The following PRKG1 variants were observed in gnomAD, a reference collection of about 807,000 sequenced individuals.
PRKG1 encodes the protein cGMP-dependent protein kinase 1.
A neutral mutation model predicts 88.1 loss-of-function variants in PRKG1; 35 were observed. The observed-to-expected ratio is 0.40, with a 90% CI of 0.30 to 0.53. PRKG1 has a LOEUF of 0.53. Among genes scored for constraint, PRKG1 ranks in the 20% least tolerant of loss-of-function variants. PRKG1 has a pLI of 0.59. For synonymous variants in PRKG1, 303 were observed against 292.5 expected, an observed-to-expected ratio of 1.04 and a Z score of -0.37; for missense variants, 540 against 839.8, an observed-to-expected ratio of 0.64 and a Z score of 4.41.
chr10:51,259,103 T>G (rs10996357), intron 2 of PRKG1, among the ~76,000 whole-genome samples: 13,833 of 152,284 alleles, frequency 0.091, 763 homozygotes, highest in Middle Eastern at 0.15. Context: ...ATTTACTATA[T>G]GAAAAGTGTA....
At chr10:51,505,336 G>A (rs1402870116) in intron 3 of PRKG1, among the ~76,000 whole-genome samples, 7 of 152,142 alleles carry the variant, frequency 4.6e-5, no homozygotes, top group Non-Finnish European at 8.8e-5. Context: ...TGATCATGGT[G>A]GATAAGCTTT....
At chr10:52,081,550 T>C (rs1301288102) in intron 7 of PRKG1, 1 of 455,378 alleles carries the variant, frequency 2.2e-6, no homozygotes, top group Non-Finnish European at 4.4e-6. Flanking sequence ...ATTTGATTGA[T>C]TAATCATAAT....
intron 5 of PRKG1, among the ~76,000 whole-genome samples, chr10:51,967,232 T>G (rs1843591550): frequency 6.6e-6 from 1 of 151,992 alleles, no homozygotes. Flanking sequence ...TATGCAGCCA[T>G]AAAAAAGGAT....
rs774448632 is a variant in PRKG1 at position 51,299,340 on chromosome 10, G to A, written c.478+146010G>A. Among the ~76,000 whole-genome samples, 20 of 152,180 alleles carry A rather than the reference G, an allele frequency of 1.3e-4. No homozygotes were observed. The Middle Eastern group carries it at 0.01, about 78-fold the overall frequency. The stretch of plus-strand genomic sequence containing the variant: ...CCTTCCTCAGCCTCCTGAATAGGTA[G>A]GATTACAGGCATCCTCCACCATGCC... On this transcript the variant is annotated intron_variant, in intron 2 of 17. Transcript: ENST00000373980.
intron 10 of PRKG1, among the ~76,000 whole-genome samples, chr10:52,253,073 T>C (rs1362446250): frequency 6.6e-6 from 1 of 152,032 alleles, no homozygotes; most frequent in East Asian, 1.9e-4. Context: ...ACAGGATTTA[T>C]TTTCTGGTGT....
intron 1 of PRKG1, among the ~76,000 whole-genome samples, chr10:51,018,850 A>G (rs1319362188): frequency 6.6e-6 from 1 of 152,190 alleles, no homozygotes; most frequent in Non-Finnish European, 1.5e-5. Flanking sequence ...CTGCTCATCT[A>G]GCTTTCCTTT....
intron 5 of PRKG1, among the ~76,000 whole-genome samples, chr10:51,970,045 CACA>C (rs1843670247): frequency 2.0e-4 from 17 of 86,716 alleles, no homozygotes; most frequent in African/African-American, 5.0e-4. Flanking sequence ...CACACACACA[CACA>C]CACCCATATT....
At chr10:51,462,095 T>G (rs1257726769) in intron 2 of PRKG1, among the ~76,000 whole-genome samples, 2 of 152,170 alleles carry the variant, frequency 1.3e-5, no homozygotes, top group Admixed American at 1.3e-4. Flanking sequence ...TGAAAGAATA[T>G]GTAATGTAAA....
chr10:51,874,025 G>A (rs1307334169), intron 4 of PRKG1, among the ~76,000 whole-genome samples: 1 of 151,994 alleles, frequency 6.6e-6, no homozygotes, highest in Non-Finnish European at 1.5e-5. Flanking sequence ...ATCTGTTTTA[G>A]CTACTTGATG....
At chr10:52,274,898 C>G (rs1373899269) in intron 12 of PRKG1, among the ~76,000 whole-genome samples, 1 of 151,990 alleles carries the variant, frequency 6.6e-6, no homozygotes, top group Non-Finnish European at 1.5e-5. Context: ...GGTGGTATCA[C>G]CTTTTGGTTT....
intron 3 of PRKG1, among the ~76,000 whole-genome samples, chr10:51,579,623 A>G (rs1837979216): frequency 6.6e-6 from 1 of 152,172 alleles, no homozygotes; most frequent in South Asian, 2.1e-4. Flanking sequence ...AAAAGCCAAC[A>G]TAATATTTTG....
At chr10:51,456,157 T>A (rs1368742043) in intron 2 of PRKG1, among the ~76,000 whole-genome samples, 1 of 152,132 alleles carries the variant, frequency 6.6e-6, no homozygotes, top group Non-Finnish European at 1.5e-5. Flanking sequence ...GAGAGCCAAG[T>A]GAAAGGGGAA....
At chr10:52,156,132 A>C (rs1262147824) in intron 8 of PRKG1, among the ~76,000 whole-genome samples, 1 of 152,004 alleles carries the variant, frequency 6.6e-6, no homozygotes, top group Non-Finnish European at 1.5e-5. Context: ...AAGCAAAGAC[A>C]CAGACAAACA....
chr10:52,204,343 C>T (rs1839758708), intron 9 of PRKG1, among the ~76,000 whole-genome samples: 1 of 152,044 alleles, frequency 6.6e-6, no homozygotes, highest in South Asian at 2.1e-4. Context: ...ACCTCGGCCT[C>T]CCAAAGTGCT....
intron 2 of PRKG1, among the ~76,000 whole-genome samples, chr10:51,422,784 T>G (rs79661955): frequency 0.023 from 3,568 of 152,234 alleles, 97 homozygotes; most frequent in Middle Eastern, 0.058. Context: ...TCATGCCTGC[T>G]GCTGCCATCT....
intron 9 of PRKG1, among the ~76,000 whole-genome samples, chr10:52,239,771 A>G (rs1840810345): frequency 6.6e-6 from 1 of 152,084 alleles, no homozygotes; most frequent in South Asian, 2.1e-4. Context: ...TTTTTTCCCA[A>G]ACTTCTGTAA....
At chr10:51,593,469 A>AGTGTTGAGT (rs1359382971) in intron 3 of PRKG1, among the ~76,000 whole-genome samples, 1 of 152,174 alleles carries the variant, frequency 6.6e-6, no homozygotes, top group Non-Finnish European at 1.5e-5. Context: ...GAAACTAATT[A>AGTGTTGAGT]GTGTTGAGTG....
chr10:52,045,169 A>G (rs539996137), intron 5 of PRKG1, among the ~76,000 whole-genome samples: 1 of 152,066 alleles, frequency 6.6e-6, no homozygotes, highest in South Asian at 2.1e-4. Flanking sequence ...GCAAATTTTA[A>G]TTATGTGTCT....
In PRKG1 at chr10:52,012,586, C is replaced by T. The variant is rs181633361; in HGVS notation, c.763-41898C>T. 4.7e-3 allele frequency among the ~76,000 whole-genome samples: 711 copies of T among 152,162 alleles called. 2 individuals carry two copies. The highest frequency in any genetic ancestry group is 7.7e-3 in the Non-Finnish European group (522 of 67,990). ...ATTTTTAGTAAATACAGGGTTTCAC[C>T]ATGTTGGCCAGGCTGGTCTCAAACT... On this transcript the variant is annotated intron_variant, in intron 5 of 17. Coordinates refer to ENST00000373980, the MANE Select transcript of PRKG1 (RefSeq NM_006258.4).
Sources: allele counts gnomAD v4.1 joint callset (sites outside exome capture counted in the v4.1 genomes callset), GRCh38; gene constraint gnomAD v4.1.1; transcripts MANE v1.5; gene names NCBI Gene and HGNC (gene_info 2026-07-23, HGNC 2026-07-21).